The following DPF3 variants were observed in gnomAD, a reference collection of about 807,000 sequenced individuals.
The protein encoded by DPF3 is zinc finger protein DPF3.
In DPF3, 18 loss-of-function variants were observed where a neutral mutation model predicts 56.8. That is an observed-to-expected ratio of 0.32 (90% CI 0.22 to 0.47). The LOEUF is 0.47. DPF3 is among the 20% of genes least tolerant of loss of function. The pLI, the probability that DPF3 is intolerant of heterozygous loss-of-function variation, is 1.00. For synonymous variants in DPF3, 188 were observed against 180.2 expected (o/e 1.04, Z -0.35); for missense variants, 403 against 488.8 (o/e 0.82, Z 1.65).
chr14:72,709,664 G>T (rs898322613), intron 6 of DPF3, among the ~76,000 whole-genome samples: 3 of 152,094 alleles, frequency 2.0e-5, no homozygotes, highest in African/African-American at 4.8e-5. Context: ...AGGGTATGGC[G>T]GTTCTAGAGT....
At chr14:72,769,678 CAAAAAAAAAAA>C (rs59586674) in intron 2 of DPF3, among the ~76,000 whole-genome samples, 1 of 42,768 alleles carries the variant, frequency 2.3e-5, no homozygotes, top group Admixed American at 2.2e-4. Flanking sequence ...GACTCCATCT[CAAAAAAAAAAA>C]AAAAAAAAAA....
chr14:72,735,307 C>T (rs1245402995), intron 3 of DPF3, among the ~76,000 whole-genome samples: 1 of 152,188 alleles, frequency 6.6e-6, no homozygotes, highest in Non-Finnish European at 1.5e-5. Flanking sequence ...CAATGTTCAC[C>T]ATTCTGCGAC....
intron 8 of DPF3, among the ~76,000 whole-genome samples, chr14:72,642,785 C>T (rs1885600884): frequency 6.6e-6 from 1 of 152,178 alleles, no homozygotes; most frequent in Admixed American, 6.5e-5. Flanking sequence ...TTTAGGTTCC[C>T]CAGAACACAA....
intron 2 of DPF3, among the ~76,000 whole-genome samples, chr14:72,766,871 CAG>C (rs1444160345): frequency 6.6e-6 from 1 of 152,174 alleles, no homozygotes; most frequent in Non-Finnish European, 1.5e-5. Context: ...TCTCTCTAGC[CAG>C]AGAACCAGGA....
intron 1 of DPF3, among the ~76,000 whole-genome samples, chr14:72,870,535 T>C (rs1181355061): frequency 6.6e-6 from 1 of 152,262 alleles, no homozygotes; most frequent in Non-Finnish European, 1.5e-5. Context: ...GCTGTGCTCC[T>C]GGACAAAGCA....
chr14:72,736,195 C>T (rs1457605644), intron 3 of DPF3, among the ~76,000 whole-genome samples: 3 of 152,202 alleles, frequency 2.0e-5, no homozygotes, highest in Admixed American at 6.5e-5. Flanking sequence ...ATTTCTAAAA[C>T]ATTACCATTC....
At chr14:72,704,785 C>T (rs1888335231) in intron 6 of DPF3, among the ~76,000 whole-genome samples, 1 of 152,168 alleles carries the variant, frequency 6.6e-6, no homozygotes, top group South Asian at 2.1e-4. Context: ...TCCCTCTCTC[C>T]TCTCCTGCTC....
chr14:72,764,546 T>C (rs1891194952), intron 2 of DPF3, among the ~76,000 whole-genome samples: 1 of 122,720 alleles, frequency 8.1e-6, no homozygotes. Context: ...TGGAGTGCAG[T>C]GGCACGAACT....
chr14:72,792,057 C>T (rs1421789271), intron 1 of DPF3, among the ~76,000 whole-genome samples: 4 of 152,232 alleles, frequency 2.6e-5, no homozygotes, highest in Non-Finnish European at 5.9e-5. Context: ...ATAGTGACTG[C>T]TGAGCAGCCA....
chr14:72,842,002 G>A (rs564364688), intron 1 of DPF3, among the ~76,000 whole-genome samples: 5 of 151,116 alleles, frequency 3.3e-5, no homozygotes, highest in South Asian at 4.2e-4. Context: ...TAGGAGGATC[G>A]CTTGAGCCCA....
At chr14:72,849,897 C>T (rs916989947) in intron 1 of DPF3, among the ~76,000 whole-genome samples, 6 of 150,334 alleles carry the variant, frequency 4.0e-5, no homozygotes, top group Non-Finnish European at 8.8e-5. Context: ...CTGGGTGGAT[C>T]ACCTGAGGTC....
chr14:72,674,294 T>G lies in DPF3; in HGVS notation c.817A>C (p.Lys273Gln). ...AGCTCTTCAGGCCGCCCACTCTTCT[T>G]GTTCATGTTGGAGCCCCCCAAGCAG... The part of the protein sequence containing the change: ...DFCLGGSNMN[K>Q]KSGRPEELVS... Residue 273 changes from lysine to glutamine, a missense_variant, in exon 8 of 11, where the codon AAG becomes CAG. This residue lies in a region of DPF3 where 340 missense variants were observed against 374.3 expected (regional missense o/e 0.91). Coordinates refer to ENST00000556509, the MANE Select transcript of DPF3 (RefSeq NM_001280542.3). 1.2e-6 allele frequency: 2 copies of G among 1,612,568 alleles called. No individual in the cohort carries two copies. Among genetic ancestry groups the G allele is most frequent in the Non-Finnish European group, 1.7e-6 (2 of 1,179,466 alleles).
intron 1 of DPF3, among the ~76,000 whole-genome samples, chr14:72,849,757 G>T (rs897922954): frequency 2.0e-5 from 3 of 152,162 alleles, no homozygotes; most frequent in Non-Finnish European, 4.4e-5. Context: ...TAAATCTAGG[G>T]CTGTGAGCCA....
intron 4 of DPF3, chr14:72,723,962 G>A: frequency 2.4e-6 from 1 of 416,782 alleles, no homozygotes; most frequent in Non-Finnish European, 4.2e-6. Context: ...CCAGAACACT[G>A]ACCTTTTTCC....
chr14:72,637,392 T>C (rs572828233), intron 8 of DPF3, among the ~76,000 whole-genome samples: 1 of 152,220 alleles, frequency 6.6e-6, no homozygotes, highest in South Asian at 2.1e-4. Flanking sequence ...TTGAGAGTCA[T>C]AGTAATGACC....
chr14:72,673,910 C>T (rs766952275), intron 8 of DPF3: 2 of 263,698 alleles, frequency 7.6e-6, no homozygotes, highest in South Asian at 6.5e-5. Context: ...TCATCCACTA[C>T]AAGAAAGCAC....
intron 8 of DPF3, chr14:72,671,009 GA>G: frequency 6.8e-7 from 1 of 1,461,684 alleles, no homozygotes; most frequent in Non-Finnish European, 9.0e-7. Flanking sequence ...GAGGTGAAGG[GA>G]AAAAAAGCAA....
chr14:72,849,550 G>T (rs1415550983), intron 1 of DPF3, among the ~76,000 whole-genome samples: 6 of 152,154 alleles, frequency 3.9e-5, no homozygotes, highest in African/African-American at 1.2e-4. Flanking sequence ...GCTAAAGCCG[G>T]CAAGGTCCAG....
rs1033456498 is a variant in DPF3, at chr14:72,611,520, C to G, written c.*7777G>C. 3.9e-5 allele frequency among the ~76,000 whole-genome samples: 6 copies of G among 152,164 alleles called. No homozygotes were observed. The highest frequency in any genetic ancestry group is 6.5e-5 in the Admixed American group (1 of 15,278). The stretch of plus-strand genomic sequence containing the variant: ...ATCTGTACTTGAAGCCCCCACCCCC[C>G]CAGTCCCGCTCTCTGCTTTCTCTAG... On this transcript the variant is annotated 3_prime_UTR_variant, in exon 11 of 11. Coordinates refer to ENST00000556509, the MANE Select transcript of DPF3 (RefSeq NM_001280542.3).
Sources: allele counts gnomAD v4.1 joint callset (sites outside exome capture counted in the v4.1 genomes callset), GRCh38; gene constraint gnomAD v4.1.1; regional missense constraint gnomAD v4.1.1; transcripts MANE v1.5; gene names NCBI Gene and HGNC (gene_info 2026-07-23, HGNC 2026-07-21).